The following FBRS variants were observed in gnomAD, a reference collection of about 807,000 sequenced individuals.
FBRS encodes the protein fibrosin.
FBRS carries 15 observed loss-of-function variants against 86.1 expected under a neutral mutation model. The ratio of observed to expected loss-of-function variants is 0.17; its 90% CI spans 0.12 to 0.27. The LOEUF is 0.27. FBRS is among the 10% of genes least tolerant of loss of function. The pLI is 1.00. For missense variants in FBRS, 1,367 were observed against 1,301.6 expected, an observed-to-expected ratio of 1.05 and a Z score of -0.77; for synonymous variants, 666 against 575.8, an observed-to-expected ratio of 1.16 and a Z score of -2.24.
In FBRS at chr16:30,668,876, C is replaced by T. The variant is rs1370881774; in HGVS notation, c.2263C>T (p.Pro755Ser). The T allele has an allele frequency of 3.1e-6, 5 of 1,588,672 alleles. No homozygotes were observed. The highest frequency in any genetic ancestry group is 1.1e-5 in the South Asian group (1 of 88,422). The part of the protein sequence containing the change: ...GRLHRSPLTF[P>S]AWVRPPEAAR... ...CCTGCACCGCAGTCCTCTGACCTTT[C>T]CTGCCTGGGTCCGGCCCCCTGAGGC... The change falls in exon 17 of 18, where the codon CCT becomes TCT. Residue 755 changes from proline to serine, a missense_variant. Coordinates refer to ENST00000356166, the MANE Select transcript of FBRS (RefSeq NM_001105079.3).
chr16:30,659,039 G>A lies in FBRS; in HGVS notation c.-480G>A, dbSNP rs1013057619. 6.6e-6 allele frequency: 1 copy of A among 152,270 alleles called. No individual in the cohort carries two copies. Among genetic ancestry groups the A allele is most frequent in the East Asian group, 1.9e-4 (1 of 5,200 alleles). The allele number at this position is 152,270 out of a possible 1,614,324, so 9.4% of individuals were successfully genotyped here. On this transcript the variant is annotated 5_prime_UTR_variant, in exon 1 of 18. Coordinates refer to ENST00000356166, the MANE Select transcript of FBRS (RefSeq NM_001105079.3). ...TTAGAAGGACCCTGGACTCCTTAAAGGGGTGGCCTCTTTGAGCCGGAGGAC... is the reference window on the plus strand; with the variant it reads ...TTAGAAGGACCCTGGACTCCTTAAAAGGGTGGCCTCTTTGAGCCGGAGGAC...
chr16:30,665,357 C>T lies in FBRS; in HGVS notation c.1660C>T (p.Pro554Ser). The change falls in exon 10 of 18, where the codon CCG becomes TCG. Residue 554 changes from proline (P) to serine (S), a missense_variant. By Grantham distance (74) the Pro-to-Ser change is moderately conservative. Coordinates refer to ENST00000356166, the MANE Select transcript of FBRS (RefSeq NM_001105079.3). This position sits in a 1 kb window ranked among gnomAD's most constrained non-coding sequence, Gnocchi z 4.1. Reference sequence around the variant, plus strand: ...GCCCGGGCTGCCTCCGGGCCTCCCGCCGGCCGTCTCCTTTGGCTCCCTGCA... The same window carrying T: ...GCCCGGGCTGCCTCCGGGCCTCCCGTCGGCCGTCTCCTTTGGCTCCCTGCA... ...AVPGLPPGLP[P>S]AVSFGSLQGA... 1 of 1,571,168 alleles carries T rather than the reference C, an allele frequency of 6.4e-7. No individual in the cohort carries two copies. The highest frequency in any genetic ancestry group is 8.6e-7 in the Non-Finnish European group (1 of 1,158,690).
chr16:30,664,064 G>A, intron 6 of FBRS, 151 bp from the exon 7 acceptor site: 3 of 1,008,204 alleles, frequency 3.0e-6, no homozygotes, highest in Non-Finnish European at 4.0e-6. Flanking sequence ...TCTGAGAACG[G>A]ATTCCCTCGG....
Position 30,670,472 on chromosome 16 carries a change from A to G in FBRS, c.*827A>G. ...ACCTCTTAATGGCTCAGTCCCCTTC[A>G]CCCCATTTCCAAGTGCCCCCAGGAC... On this transcript the variant is annotated 3_prime_UTR_variant, in exon 18 of 18. Coordinates refer to ENST00000356166, the MANE Select transcript of FBRS (RefSeq NM_001105079.3). The G allele has an allele frequency of 9.4e-6, 3 of 320,780 alleles. No homozygotes were observed. Among genetic ancestry groups the G allele is most frequent in the South Asian group, 4.8e-5 (2 of 41,476 alleles). The allele number at this position is 320,780 out of a possible 1,614,324, so 19.9% of individuals were successfully genotyped here. A position where few individuals can be genotyped will look rare whatever the true frequency, so the allele number is the denominator to read the frequency against.
In FBRS at chr16:30,660,272, T is replaced by G; in HGVS notation, c.469T>G (p.Ser157Ala). ...ATLEALQKDA[S>A]LQPPERLEHR... ...ACCTCCTCCTCCACAGAAGGATGCA[T>G]CTCTTCAGCCCCCAGAGCGACTGGA... Residue 157 changes from serine (S) to alanine (A), a missense_variant, in exon 2 of 18, where the codon TCT (serine) becomes GCT (alanine). Coordinates refer to ENST00000356166, the MANE Select transcript of FBRS (RefSeq NM_001105079.3). 9 of 1,317,822 alleles carry G rather than the reference T, an allele frequency of 6.8e-6. No homozygotes were observed. The highest frequency in any genetic ancestry group is 8.8e-6 in the Non-Finnish European group (9 of 1,026,102). 81.6% of individuals were successfully genotyped at this position (1,317,822 alleles called of 1,614,324 possible).
chr16:30,667,185 G>T (rs937836067), intron 13 of FBRS, 135 bp from the exon 14 acceptor site: 3 of 925,562 alleles, frequency 3.2e-6, no homozygotes, highest in South Asian at 1.6e-5. Context: ...AGAAGGCTCC[G>T]AGAGAGGCAG....
chr16:30,660,582 A>T, intron 2 of FBRS, 140 bp downstream of exon 2: 2 of 1,244,064 alleles, frequency 1.6e-6, no homozygotes, highest in Non-Finnish European at 2.0e-6. Context: ...TTGAGCCCTT[A>T]CTCATCCGGG....
chr16:30,662,568 C>A lies in FBRS; in HGVS notation c.764C>A (p.Pro255His), dbSNP rs61997235. ...FTVSTSKASGPHGAFNGNCEA... is the reference protein window; with the variant it reads ...FTVSTSKASGHHGAFNGNCEA... ...CCATCCTGCCCCACAGCCTCGGGCC[C>A]CCACGGCGCCTTCAATGGGAACTGT... Residue 255 changes from proline to histidine, a missense_variant, in exon 6 of 18, where the codon CCC becomes CAC. This residue lies in a region of FBRS where 702 missense variants were observed against 598.7 expected (regional missense o/e 1.17). Coordinates refer to ENST00000356166, the MANE Select transcript of FBRS (RefSeq NM_001105079.3). 23,488 of 1,543,042 alleles carry A rather than the reference C, an allele frequency of 0.015. 217 individuals carry two copies. The highest frequency in any genetic ancestry group is 0.018 in the Admixed American group (900 of 50,558).
intron 2 of FBRS, among the ~76,000 whole-genome samples, chr16:30,660,953 G>T (rs562224362): frequency 1.9e-4 from 29 of 152,258 alleles, no homozygotes; most frequent in African/African-American, 6.0e-4. Flanking sequence ...GCTAAGAAAA[G>T]ACACGGGGAA....
rs781077356 is a variant in FBRS at position 30,668,809 on chromosome 16, G to T, written c.2196G>T (p.Gly732=). Residue 732 remains glycine (G), a synonymous_variant, in exon 17 of 18, where the codon GGG becomes GGT. Transcript: ENST00000356166. The part of the protein sequence containing the change: ...GAVFAQKESP[G]APPAFASPPD... Reference sequence around the variant, plus strand: ...TCTTTGCCCAGAAAGAAAGCCCAGGGGCCCCACCAGCCTTCGCCTCCCCAC... The same window carrying T: ...TCTTTGCCCAGAAAGAAAGCCCAGGTGCCCCACCAGCCTTCGCCTCCCCAC... 1 of 1,599,222 alleles carries T rather than the reference G, an allele frequency of 6.3e-7. No homozygotes were observed. Among genetic ancestry groups the T allele is most frequent in the Non-Finnish European group, 8.5e-7 (1 of 1,178,188 alleles).
At position 30,662,445 on chromosome 16, in the gene FBRS, C is replaced by T; in HGVS notation, c.731C>T (p.Ser244Phe). ...ERVSDDDLDP[S>F]FTVSTSKASG... is the part of the protein sequence containing the mutation. ...GTCTCCGATGATGACCTCGACCCAT[C>T]CTTTACTGTCTCAACCAGCAAAGGT... The change falls in exon 5 of 18, where the codon TCC (serine) becomes TTC (phenylalanine). Residue 244 changes from serine (S) to phenylalanine (F), a missense_variant. Physicochemically the swap from Ser to Phe is radical, Grantham distance 155 (BLOSUM62 -2). Around this residue, in one of 3 missense-constraint regions of FBRS, gnomAD observed 702 missense variants for 598.7 expected, o/e 1.17. Transcript: ENST00000356166. 6.4e-7 allele frequency: 1 copy of T among 1,550,664 alleles called. No individual in the cohort carries two copies. The highest frequency in any genetic ancestry group is 8.7e-7 in the Non-Finnish European group (1 of 1,147,010).
chr16:30,665,270 C>T lies in FBRS; in HGVS notation c.1609-36C>T, dbSNP rs778308593. On this transcript the variant is annotated intron_variant, in intron 9 of 17. Coordinates refer to ENST00000356166, the MANE Select transcript of FBRS (RefSeq NM_001105079.3). This position sits in a 1 kb window ranked among gnomAD's most constrained non-coding sequence, Gnocchi z 4.1. ...GCAGGCTGGACTTGGGCTGCGCCTC[C>T]ACCCCCACCTGTACTAGTCCCCCTT... is the stretch of plus-strand genomic sequence containing the variant. The T allele has an allele frequency of 1.2e-5, 19 of 1,544,838 alleles. No homozygotes were observed. The South Asian group carries it at 2.1e-4, about 17-fold the overall frequency.
At chr16:30,663,506 G>T (rs1230132097) in intron 6 of FBRS, among the ~76,000 whole-genome samples, 2 of 150,870 alleles carry the variant, frequency 1.3e-5, no homozygotes, top group Non-Finnish European at 3.0e-5. Context: ...TGCTTAGGGG[G>T]AGGCTAAGTT....
intron 7 of FBRS, 48 bp from the exon 8 acceptor site, chr16:30,664,667 G>A: frequency 6.8e-7 from 1 of 1,464,578 alleles, no homozygotes; most frequent in Non-Finnish European, 9.1e-7. Context: ...GGCCCAAGGA[G>A]GCTGATGTGG....
rs1408126647 is a variant in FBRS at position 30,659,772 on chromosome 16, G to A, written c.254G>A (p.Arg85His). The A allele has an allele frequency of 3.3e-5, 49 of 1,468,590 alleles. No individual in the cohort carries two copies. Among genetic ancestry groups the A allele is most frequent in the Non-Finnish European group, 4.3e-5 (48 of 1,107,784 alleles). 91.0% of individuals were successfully genotyped at this position (1,468,590 alleles called of 1,614,324 possible). A position where few individuals can be genotyped will look rare whatever the true frequency, so the allele number is the denominator to read the frequency against. The change falls in exon 1 of 18, where the codon CGT (arginine) becomes CAT (histidine). Residue 85 changes from arginine (R) to histidine (H), a missense_variant. This residue lies in a region of FBRS where 702 missense variants were observed against 598.7 expected (regional missense o/e 1.17). Transcript: ENST00000356166. ...GGGGGCCCGAGACGCCGGCGGCCCC[G>A]TCCGAGACCTCGACCCCCGCGACCC... Reference protein sequence around the residue: ...RPGGPRRRRPRPRPRPPRPRA... With the variant: ...RPGGPRRRRPHPRPRPPRPRA...
chr16:30,660,127 G>A, intron 1 of FBRS, 136 bp from the exon 2 acceptor site: 2 of 1,427,652 alleles, frequency 1.4e-6, no homozygotes, highest in African/African-American at 1.5e-5. Context: ...CCCCGCCCTG[G>A]GGTGGGAGGA....
Position 30,668,998 on chromosome 16 carries a change from C to T in FBRS, c.2366+19C>T, listed in dbSNP as rs2052557759. 1 of 1,453,536 alleles carries T rather than the reference C, an allele frequency of 6.9e-7. No homozygotes were observed. The highest frequency in any genetic ancestry group is 9.3e-7 in the Non-Finnish European group (1 of 1,071,638). 90.0% of individuals were successfully genotyped at this position (1,453,536 alleles called of 1,614,324 possible). A position where few individuals can be genotyped will look rare whatever the true frequency, so the allele number is the denominator to read the frequency against. The stretch of plus-strand genomic sequence containing the variant: ...AGGACAGGTGTGCCTCCCACCCACC[C>T]TGCCCCTGCCCCACCCTCAGCCCCT... On this transcript the variant is annotated intron_variant, in intron 17 of 17. Coordinates refer to ENST00000356166, the MANE Select transcript of FBRS (RefSeq NM_001105079.3).
intron 1 of FBRS, 32 bp from the exon 2 acceptor site, chr16:30,660,231 C>A: frequency 7.5e-7 from 1 of 1,339,212 alleles, no homozygotes; most frequent in Non-Finnish European, 9.6e-7. Context: ...TGCCCTTTTC[C>A]ATCTATCTCA....
At position 30,662,442 on chromosome 16, in the gene FBRS, C is replaced by T; in HGVS notation, c.728C>T (p.Pro243Leu). 1 of 1,550,684 alleles carries T rather than the reference C, an allele frequency of 6.4e-7. No homozygotes were observed. ...CAGGTCTCCGATGATGACCTCGACCCATCCTTTACTGTCTCAACCAGCAAA... is the reference window on the plus strand; with the variant it reads ...CAGGTCTCCGATGATGACCTCGACCTATCCTTTACTGTCTCAACCAGCAAA... ...DERVSDDDLDPSFTVSTSKAS... is the reference protein window; with the variant it reads ...DERVSDDDLDLSFTVSTSKAS... Residue 243 changes from proline to leucine, a missense_variant, in exon 5 of 18, where the codon CCA (proline) becomes CTA (leucine). Physicochemically the swap from Pro to Leu is moderately conservative, Grantham distance 98. Transcript: ENST00000356166.
Sources: allele counts gnomAD v4.1 joint callset (sites outside exome capture counted in the v4.1 genomes callset), GRCh38; gene constraint gnomAD v4.1.1; regional missense constraint gnomAD v4.1.1; non-coding constraint Gnocchi (gnomAD v3.1); transcripts MANE v1.5; gene names NCBI Gene and HGNC (gene_info 2026-07-23, HGNC 2026-07-21).